Variants in NMU observed in about 807,000 individuals in gnomAD.
NMU encodes neuromedin U, also known as neuromedin-U.
A neutral mutation model predicts 35.4 loss-of-function variants in NMU; 29 were observed. The observed-to-expected ratio is 0.82, with a 90% confidence interval of 0.61 to 1.12. The LOEUF is 1.12. NMU is among the 50% of genes most tolerant of loss of function. The pLI, the probability that NMU is intolerant of heterozygous loss-of-function variation, is 0.00. For synonymous variants in NMU, 78 were observed against 81.3 expected (o/e 0.96, Z 0.22); for missense variants, 199 against 206.2 (o/e 0.97, Z 0.21).
At chr4:55,632,921 G>T (rs2110215075) in intron 1 of NMU, among the ~76,000 whole-genome samples, 1 of 150,250 alleles carries the variant, frequency 6.7e-6, no homozygotes, top group South Asian at 2.1e-4. Flanking sequence ...AATAGAAAAA[G>T]GGTATTTTGT....
At chr4:55,607,414 T>C (rs959232846) in intron 5 of NMU, 23 bp downstream of exon 5, 3 of 1,203,250 alleles carry the variant, frequency 2.5e-6, no homozygotes, top group African/African-American at 1.5e-5. Flanking sequence ...TTATAAGGTA[T>C]AGATGTATGA....
intron 7 of NMU, among the ~76,000 whole-genome samples, chr4:55,604,663 C>T (rs1235015462): frequency 1.5e-5 from 2 of 133,790 alleles, no homozygotes; most frequent in South Asian, 4.9e-4. Flanking sequence ...CAGGCATGCG[C>T]CAATATGCCT....
intron 1 of NMU, among the ~76,000 whole-genome samples, chr4:55,633,099 C>A (rs1345012512): frequency 6.6e-6 from 1 of 151,740 alleles, no homozygotes; most frequent in East Asian, 1.9e-4. Context: ...CCAAGGCGGG[C>A]ATATCACCAG....
chr4:55,604,190 C>T lies in NMU; in HGVS notation c.435+1085G>A, dbSNP rs1182005029. ...AAGCGATTCTTCTGCCTCAGCCTCC[C>T]GAGTAGCTGGGATCACAGGCGCCCA... On this transcript the variant is annotated intron_variant, in intron 7 of 9. Transcript: ENST00000264218. 3.3e-5 allele frequency among the ~76,000 whole-genome samples: 5 copies of T among 149,844 alleles called. No homozygotes were observed. The South Asian group carries it at 6.3e-4, about 19-fold the overall frequency.
intron 6 of NMU, among the ~76,000 whole-genome samples, chr4:55,606,939 A>G (rs1733706231): frequency 2.0e-5 from 3 of 152,014 alleles, no homozygotes; most frequent in Non-Finnish European, 4.4e-5. Flanking sequence ...CGGCCTCCCA[A>G]ACTGCTGGGA....
In NMU at chr4:55,607,269, G is replaced by C. The variant is rs755733821; in HGVS notation, c.360+29C>G. ...TTCATTCTTTTAAACAAATATTAGT[G>C]ATTACTAAGAAGTAGTTCTACAACT... On this transcript the variant is annotated intron_variant, in intron 6 of 9. Transcript: ENST00000264218. 31 of 1,493,578 alleles carry C rather than the reference G, an allele frequency of 2.1e-5. 1 individual carries two copies. In the South Asian group the frequency reaches 3.5e-4, roughly 17 times the overall value. 92.5% of individuals were successfully genotyped at this position (1,493,578 alleles called of 1,614,324 possible). A position where few individuals can be genotyped will look rare whatever the true frequency, so the allele number is the denominator to read the frequency against.
At chr4:55,612,222 C>T (rs1733959109) in intron 3 of NMU, among the ~76,000 whole-genome samples, 1 of 152,162 alleles carries the variant, frequency 6.6e-6, no homozygotes, top group African/African-American at 2.4e-5. Context: ...GTGAGACCCC[C>T]ATCTTTACAC....
At chr4:55,619,981 C>A (rs1217250372) in intron 2 of NMU, among the ~76,000 whole-genome samples, 25 of 149,034 alleles carry the variant, frequency 1.7e-4, no homozygotes, top group African/African-American at 4.4e-4. Context: ...AAACTAACAA[C>A]CAGAAAGGAC....
intron 9 of NMU, among the ~76,000 whole-genome samples, chr4:55,598,407 G>A (rs1292268959): frequency 6.6e-6 from 1 of 152,092 alleles, no homozygotes; most frequent in Non-Finnish European, 1.5e-5. Flanking sequence ...AATATGTTCA[G>A]CATAAAATCT....
At chr4:55,599,921 T>C (rs1345224033) in intron 8 of NMU, among the ~76,000 whole-genome samples, 1 of 152,194 alleles carries the variant, frequency 6.6e-6, no homozygotes, top group Admixed American at 6.5e-5. Context: ...CAGCCCTTGG[T>C]ACATTGCTCA....
chr4:55,601,328 C>G (rs371259590), intron 7 of NMU, among the ~76,000 whole-genome samples: 6 of 152,038 alleles, frequency 3.9e-5, no homozygotes, highest in Non-Finnish European at 8.8e-5. Flanking sequence ...ATGGCTATCA[C>G]CATGAAATCT....
intron 1 of NMU, among the ~76,000 whole-genome samples, chr4:55,630,986 A>G (rs1252705553): frequency 1.3e-5 from 2 of 152,240 alleles, no homozygotes; most frequent in East Asian, 3.8e-4. Flanking sequence ...ATAGGCATTT[A>G]GACTAACGGA....
chr4:55,634,220 G>A (rs1355364629), intron 1 of NMU, among the ~76,000 whole-genome samples: 1 of 152,138 alleles, frequency 6.6e-6, no homozygotes, highest in Non-Finnish European at 1.5e-5. Flanking sequence ...CATCTTTAGG[G>A]ATTCAGGACT....
At chr4:55,635,430 C>T (rs1715856090) in intron 1 of NMU, among the ~76,000 whole-genome samples, 1 of 152,204 alleles carries the variant, frequency 6.6e-6, no homozygotes, top group Admixed American at 6.5e-5. Flanking sequence ...TGCCTGAAAG[C>T]CTGGCTTGCA....
intron 1 of NMU, among the ~76,000 whole-genome samples, chr4:55,634,796 G>A (rs1715808213): frequency 6.6e-6 from 1 of 152,142 alleles, no homozygotes; most frequent in Admixed American, 6.5e-5. Flanking sequence ...ATGTGGAGAA[G>A]GTTTAGGTCT....
chr4:55,595,644 T>TATATA (rs1491159315), intron 9 of NMU, among the ~76,000 whole-genome samples: 62 of 53,638 alleles, frequency 1.2e-3, no homozygotes, highest in African/African-American at 4.4e-3. Flanking sequence ...TATATATATA[T>TATATA]TTTTTTTTTT....
intron 3 of NMU, among the ~76,000 whole-genome samples, chr4:55,613,182 A>T (rs546991010): frequency 1.3e-5 from 2 of 152,022 alleles, no homozygotes; most frequent in East Asian, 3.9e-4. Context: ...GGGTTAGGAT[A>T]AAAAAAATAC....
At chr4:55,630,600 G>C (rs1472257968) in intron 1 of NMU, 140 bp from the exon 2 acceptor site, 1 of 706,634 alleles carries the variant, frequency 1.4e-6, no homozygotes, top group African/African-American at 1.8e-5. Context: ...TTCAGCATTT[G>C]ACTTAGTACA....
intron 3 of NMU, among the ~76,000 whole-genome samples, chr4:55,614,676 G>C (rs1245984089): frequency 6.6e-6 from 1 of 152,108 alleles, no homozygotes; most frequent in Non-Finnish European, 1.5e-5. Context: ...TCTTGAAAGA[G>C]GCACAGTACT....
Sources: gnomAD v4.1 joint callset for allele counts (sites outside exome capture counted in the v4.1 genomes callset) on GRCh38, gnomAD v4.1.1 for gene constraint, MANE v1.5 for transcripts, NCBI Gene and HGNC (gene_info 2026-07-23, HGNC 2026-07-21) for gene names.